Variants in GTPBP8 observed in about 807,000 individuals in gnomAD.
The protein encoded by GTPBP8 is GTP-binding protein 8.
A neutral mutation model predicts 27.3 loss-of-function variants in GTPBP8; 21 were observed. That is an observed-to-expected ratio of 0.77 (90% CI 0.55 to 1.11). The LOEUF (loss-of-function observed/expected upper bound fraction) is 1.11, where lower values mean the gene tolerates loss of function less well. GTPBP8 is among the 50% of genes least tolerant of loss of function. GTPBP8 has a pLI of 0.00. For synonymous variants in GTPBP8, 147 were observed against 135.3 expected, an observed-to-expected ratio of 1.09 and a Z score of -0.60; for missense variants, 380 against 350.8, an observed-to-expected ratio of 1.08 and a Z score of -0.67.
chr3:112,999,407 C>A, intron 4 of GTPBP8, 39 bp from the exon 5 acceptor site: 2 of 669,890 alleles, frequency 3.0e-6, no homozygotes, highest in South Asian at 2.4e-5. Flanking sequence ...TATTAAGAAC[C>A]ACTTTATTTC....
chr3:112,998,641 G>A (rs1933832197), intron 4 of GTPBP8, among the ~76,000 whole-genome samples: 1 of 152,062 alleles, frequency 6.6e-6, no homozygotes, highest in Non-Finnish European at 1.5e-5. Context: ...GTCTTGTCTT[G>A]GAGCAGGTGA....
chr3:112,999,901 G>C (rs766584954), intron 5 of GTPBP8, among the ~76,000 whole-genome samples: 8 of 152,122 alleles, frequency 5.3e-5, no homozygotes, highest in Admixed American at 1.3e-4. Context: ...ACTTCACTTA[G>C]AATAATGGTC....
chr3:112,995,466 A>G (rs1933766504), intron 3 of GTPBP8, among the ~76,000 whole-genome samples: 1 of 152,100 alleles, frequency 6.6e-6, no homozygotes, highest in African/African-American at 2.4e-5. Flanking sequence ...TCTGTGGTTT[A>G]GCTTACCCTT....
chr3:112,991,088 C>T lies in GTPBP8; in HGVS notation c.89C>T (p.Ser30Phe). ...LERLSRYNST[S>F]QAFAEVLRLP... is the part of the protein sequence containing the mutation. Reference sequence around the variant, plus strand: ...CGACTGAGCCGCTATAATAGCACGTCCCAAGCTTTTGCTGAGGTGCTGCGG... The same window carrying T: ...CGACTGAGCCGCTATAATAGCACGTTCCAAGCTTTTGCTGAGGTGCTGCGG... The change falls in exon 1 of 6, where the codon TCC (serine) becomes TTC (phenylalanine). Residue 30 changes from serine (S) to phenylalanine (F), a missense_variant. Physicochemically the swap from Ser to Phe is radical, Grantham distance 155. Transcript: ENST00000383678. 6.2e-7 allele frequency: 1 copy of T among 1,614,072 alleles called. No individual in the cohort carries two copies. The highest frequency in any genetic ancestry group is 8.5e-7 in the Non-Finnish European group (1 of 1,180,022).
Position 112,991,194 on chromosome 3 carries a change from C to T in GTPBP8, c.195C>T (p.Asp65=), listed in dbSNP as rs771476334. Reference sequence around the variant, plus strand: ...TCCTCGCCCCCTACGGGAGGCAAGACCTTCACCTGCGTATCTTTGACCCAA... The same window carrying T: ...TCCTCGCCCCCTACGGGAGGCAAGATCTTCACCTGCGTATCTTTGACCCAA... ...ERFLAPYGRQ[D]LHLRIFDPSP... is the part of the protein sequence containing the mutation. Residue 65 remains aspartate (D), a synonymous_variant, in exon 1 of 6, where the codon GAC becomes GAT. Transcript: ENST00000383678. 20 of 1,614,066 alleles carry T rather than the reference C, an allele frequency of 1.2e-5. No homozygotes were observed. The highest frequency in any genetic ancestry group is 5.3e-5 in the African/African-American group (4 of 74,942).
rs765250022 is a variant in GTPBP8 at position 112,995,153 on chromosome 3, A to C, written c.454A>C (p.Asn152His). 6.2e-7 allele frequency: 1 copy of C among 1,601,124 alleles called. No homozygotes were observed. The highest frequency in any genetic ancestry group is 1.1e-5 in the South Asian group (1 of 88,480). Residue 152 changes from asparagine (N) to histidine (H), a missense_variant, in exon 3 of 6, where the codon AAT (asparagine) becomes CAT (histidine). Transcript: ENST00000383678. Reference protein sequence around the residue: ...SKKPGHTKKMNFFKVGKHFTV... With the variant: ...SKKPGHTKKMHFFKVGKHFTV... The stretch of plus-strand genomic sequence containing the variant: ...TTATCAGGGACACACAAAGAAAATG[A>C]ATTTTTTCAAAGTTGGAAAACATTT...
intron 4 of GTPBP8, among the ~76,000 whole-genome samples, chr3:112,997,704 A>G (rs192743959): frequency 5.9e-5 from 9 of 152,292 alleles, no homozygotes; most frequent in Non-Finnish European, 1.0e-4. Context: ...ATCACACCAA[A>G]TTACTAGTCA....
Position 112,991,165 on chromosome 3 carries a change from C to G in GTPBP8, c.166C>G (p.Arg56Gly). ...KLLYPLQEVE[R>G]FLAPYGRQDL... ...GCTGTACCCGCTGCAGGAAGTAGAG[C>G]GGTTCCTCGCCCCCTACGGGAGGCA... Residue 56 changes from arginine (R) to glycine (G), a missense_variant, in exon 1 of 6, where the codon CGG becomes GGG. By Grantham distance (125) the Arg-to-Gly change is moderately radical. Coordinates refer to ENST00000383678, the MANE Select transcript of GTPBP8 (RefSeq NM_014170.4). 1.2e-6 allele frequency: 2 copies of G among 1,614,124 alleles called. No homozygotes were observed. The highest frequency in any genetic ancestry group is 1.7e-6 in the Non-Finnish European group (2 of 1,180,012).
intron 5 of GTPBP8, among the ~76,000 whole-genome samples, chr3:113,000,315 A>C (rs941239842): frequency 6.6e-6 from 1 of 152,100 alleles, no homozygotes; most frequent in African/African-American, 2.4e-5. Context: ...GCAGTGAGCC[A>C]AGATCACGCC....
chr3:112,997,556 A>G (rs1933809420), intron 4 of GTPBP8, among the ~76,000 whole-genome samples: 1 of 152,210 alleles, frequency 6.6e-6, no homozygotes, highest in African/African-American at 2.4e-5. Flanking sequence ...TGGTATCCAC[A>G]TTAATTTTGC....
Position 112,996,988 on chromosome 3 carries a change from T to C in GTPBP8, c.663T>C (p.Tyr221=), listed in dbSNP as rs763159660. ...IEMCEEFALP[Y]VIVLTKIDKS... ...TGTGTGAAGAATTTGCATTACCTTATGTGGTAAGTACTTCCTTTGAATCAT... is the reference window on the plus strand; with the variant it reads ...TGTGTGAAGAATTTGCATTACCTTACGTGGTAAGTACTTCCTTTGAATCAT... Residue 221 remains tyrosine (Y), a synonymous_variant, in exon 4 of 6, where the codon TAT becomes TAC. Coordinates refer to ENST00000383678, the MANE Select transcript of GTPBP8 (RefSeq NM_014170.4). 1 of 1,406,078 alleles carries C rather than the reference T, an allele frequency of 7.1e-7. No homozygotes were observed. The highest frequency in any genetic ancestry group is 1.2e-5 in the South Asian group (1 of 86,594). The allele number at this position is 1,406,078 out of a possible 1,614,324, so 87.1% of individuals were successfully genotyped here.
In GTPBP8 at chr3:113,000,899, G is replaced by GT. The variant is rs1933892058; in HGVS notation, c.836dup (p.Thr280AsnfsTer5). The GT allele has an allele frequency of 2.6e-6, 4 of 1,561,494 alleles. No individual in the cohort carries two copies. Among genetic ancestry groups the GT allele is most frequent in the Non-Finnish European group, 3.5e-6 (4 of 1,137,562 alleles). Reference sequence around the variant, plus strand: ...CCTGTTGAGATGCTTTATAGCCAGTGTAACAGGAAGTCTTGACTAATGGTT... The same window carrying GT: ...CCTGTTGAGATGCTTTATAGCCAGTGTTAACAGGAAGTCTTGACTAATGGTT... On this transcript the variant is annotated frameshift_variant, in exon 6 of 6. Coordinates refer to ENST00000383678, the MANE Select transcript of GTPBP8 (RefSeq NM_014170.4). LOFTEE classifies it high-confidence loss of function.
rs774245819 is a variant in GTPBP8 at position 112,995,122 on chromosome 3, T to G, written c.436-13T>G. On this transcript the variant is annotated splice_polypyrimidine_tract_variant and intron_variant, in intron 2 of 5. Coordinates refer to ENST00000383678, the MANE Select transcript of GTPBP8 (RefSeq NM_014170.4). ...TCTTAAGACAGCTTTTCTTTTTCTA[T>G]TTACTTTATCAGGGACACACAAAGA... 6.4e-7 allele frequency: 1 copy of G among 1,566,192 alleles called. No homozygotes were observed. The highest frequency in any genetic ancestry group is 8.7e-7 in the Non-Finnish European group (1 of 1,155,938).
At chr3:112,993,521 G>A (rs1440954010) in intron 2 of GTPBP8, among the ~76,000 whole-genome samples, 1 of 152,104 alleles carries the variant, frequency 6.6e-6, no homozygotes, top group East Asian at 1.9e-4. Context: ...TACGTGATTA[G>A]TTACACACAC....
Position 112,993,027 on chromosome 3 carries a change from T to A in GTPBP8, c.338T>A (p.Val113Glu), listed in dbSNP as rs779090069. 21 of 1,566,988 alleles carry A rather than the reference T, an allele frequency of 1.3e-5. No homozygotes were observed. The highest frequency in any genetic ancestry group is 1.8e-5 in the Non-Finnish European group (20 of 1,138,140). The change falls in exon 2 of 6, where the codon GTG becomes GAG. Residue 113 changes from valine (V) to glutamate (E), a missense_variant and splice_region_variant. By Grantham distance (121) the Val-to-Glu change is moderately radical. Transcript: ENST00000383678. ...DHAPDLPRPE[V>E]CFIGRSNVGK... Reference sequence around the variant, plus strand: ...TTATCTTGTTTTTTCTTGTATAAGGTGTGTTTTATAGGCAGAAGCAATGTT... The same window carrying A: ...TTATCTTGTTTTTTCTTGTATAAGGAGTGTTTTATAGGCAGAAGCAATGTT...
rs747985614 is a variant in GTPBP8 at position 112,991,106 on chromosome 3, TGCTGCGGCTGCCGAAGCAGCAGCTGAGGA to T, written c.108_136del (p.Leu37AlafsTer26). 6.2e-7 allele frequency: 1 copy of T among 1,613,570 alleles called. No individual in the cohort carries two copies. On this transcript the variant is annotated frameshift_variant, in exon 1 of 6. Transcript: ENST00000383678. LOFTEE classifies it high-confidence loss of function. Reference sequence around the variant, plus strand: ...AGCACGTCCCAAGCTTTTGCTGAGGTGCTGCGGCTGCCGAAGCAGCAGCTGAGGAAGCTGCTGTACCCGCTGCAGGAAGT... The same window carrying T: ...AGCACGTCCCAAGCTTTTGCTGAGGTAGCTGCTGTACCCGCTGCAGGAAGT...
chr3:112,995,313 A>G (rs1933764164), intron 3 of GTPBP8, 48 bp downstream of exon 3: 4 of 1,325,942 alleles, frequency 3.0e-6, no homozygotes, highest in Admixed American at 4.3e-5. Flanking sequence ...ACCCCAAAGC[A>G]TGTTTTCATC....
chr3:112,991,545 C>A (rs1303540650), intron 1 of GTPBP8: 6 of 698,946 alleles, frequency 8.6e-6, no homozygotes, highest in Non-Finnish European at 1.6e-5. Context: ...GCAGTCAATA[C>A]CCATAAACCC....
rs150743391 is a variant in GTPBP8, at chr3:112,997,123, T to C, written c.666+132T>C. On this transcript the variant is annotated intron_variant, in intron 4 of 5. Transcript: ENST00000383678. ...AAAGGAGAGTGCCTTTTGAATAATCTTTTCAATTAATCATCCATTAATATT... is the reference window on the plus strand; with the variant it reads ...AAAGGAGAGTGCCTTTTGAATAATCCTTTCAATTAATCATCCATTAATATT... 550 of 605,900 alleles carry C rather than the reference T, an allele frequency of 9.1e-4. 3 individuals are homozygous for C. In the African/African-American group the frequency reaches 9.1e-3, roughly 10 times the overall value. The allele number at this position is 605,900 out of a possible 1,614,324, so 37.5% of individuals were successfully genotyped here.
Sources: allele counts gnomAD v4.1 joint callset (sites outside exome capture counted in the v4.1 genomes callset), GRCh38; gene constraint gnomAD v4.1.1; transcripts MANE v1.5; gene names NCBI Gene and HGNC (gene_info 2026-07-23, HGNC 2026-07-21).